The following PCTP variants were observed in gnomAD, a reference collection of about 807,000 sequenced individuals.
PCTP encodes START domain-containing protein 2.
In PCTP, 27 loss-of-function variants were observed where a neutral mutation model predicts 31.0. That is an observed-to-expected ratio of 0.87 (90% CI 0.64 to 1.20). PCTP has a LOEUF of 1.20. Ranked by LOEUF, PCTP falls within the 50% of genes most tolerant of loss-of-function variation. The pLI is 0.00. For missense variants in PCTP, 287 were observed against 268.2 expected (o/e 1.07, Z -0.49); for synonymous variants, 108 against 101.2 (o/e 1.07, Z -0.40).
At chr17:55,842,511 T>G (rs1231700418) in intron 5 of PCTP, among the ~76,000 whole-genome samples, 1 of 152,020 alleles carries the variant, frequency 6.6e-6, no homozygotes, top group Non-Finnish European at 1.5e-5. Flanking sequence ...GAGCCAGGCT[T>G]TAGTTTAAAA....
chr17:55,822,650 C>A, intron 3 of PCTP: 1 of 444,730 alleles, frequency 2.2e-6, no homozygotes, highest in Non-Finnish European at 3.7e-6. Flanking sequence ...AGTAGAATTG[C>A]ATCCTTCCAT....
chr17:55,764,606 A>T (rs1910538075), intron 1 of PCTP, among the ~76,000 whole-genome samples: 2 of 152,092 alleles, frequency 1.3e-5, no homozygotes, highest in African/African-American at 4.8e-5. Context: ...TTTTACATTC[A>T]TTTTTTGCCA....
intron 3 of PCTP, among the ~76,000 whole-genome samples, chr17:55,816,756 G>A (rs1252280886): frequency 2.6e-5 from 4 of 152,176 alleles, no homozygotes; most frequent in African/African-American, 4.8e-5. Context: ...GGCACACCAC[G>A]GTGTGTGTTA....
intron 1 of PCTP, among the ~76,000 whole-genome samples, chr17:55,763,874 C>T (rs1447678743): frequency 1.3e-5 from 2 of 152,048 alleles, no homozygotes; most frequent in African/African-American, 2.4e-5. Flanking sequence ...GAATGTGGAC[C>T]AGGCTGTTCA....
In PCTP at chr17:55,806,575, C is replaced by T. The variant is rs79770030; in HGVS notation, c.318-16186C>T. Among the ~76,000 whole-genome samples, 650 of 152,166 alleles carry T rather than the reference C, an allele frequency of 4.3e-3. 5 individuals carry two copies. The highest frequency in any genetic ancestry group is 7.4e-3 in the Non-Finnish European group (506 of 67,966). The stretch of plus-strand genomic sequence containing the variant: ...CTGCCAGGTAGGAAACAACATCCTA[C>T]CCTAGGATGATGACCCTCCTTGATA... On this transcript the variant is annotated intron_variant, in intron 3 of 3. Coordinates refer to the PCTP transcript ENST00000572536.
At position 55,776,389 on chromosome 17, in the gene PCTP, A is replaced by G; in HGVS notation, c.*289A>G. On this transcript the variant is annotated 3_prime_UTR_variant, in exon 6 of 6. Transcript: ENST00000268896. ...CAGTTCAATATGGGGCAGACTAGGG[A>G]AACCTTTGCTTGCTTACTATTAGGA... 1 of 1,262,416 alleles carries G rather than the reference A, an allele frequency of 7.9e-7. No homozygotes were observed. The highest frequency in any genetic ancestry group is 9.9e-7 in the Non-Finnish European group (1 of 1,006,362). 78.2% of individuals were successfully genotyped at this position (1,262,416 alleles called of 1,614,324 possible).
intron 3 of PCTP, among the ~76,000 whole-genome samples, chr17:55,820,646 C>T (rs531376978): frequency 6.6e-6 from 1 of 152,236 alleles, no homozygotes; most frequent in African/African-American, 2.4e-5. Context: ...CAGGCTACAG[C>T]AGGGCTTGTA....
downstream of PCTP, among the ~76,000 whole-genome samples, chr17:55,825,503 G>A (rs767389033): frequency 2.0e-5 from 3 of 152,198 alleles, no homozygotes; most frequent in East Asian, 5.8e-4. Flanking sequence ...CATAGGCATC[G>A]CCTTAGGGCC....
At chr17:55,841,991 A>G (rs1905997796) in intron 5 of PCTP, among the ~76,000 whole-genome samples, 1 of 152,168 alleles carries the variant, frequency 6.6e-6, no homozygotes, top group South Asian at 2.1e-4. Flanking sequence ...TATATAGAAA[A>G]AATATATAAG....
chr17:55,833,774 T>G (rs1469395790), intron 5 of PCTP, among the ~76,000 whole-genome samples: 1 of 152,222 alleles, frequency 6.6e-6, no homozygotes, highest in African/African-American at 2.4e-5. Flanking sequence ...AATTGGAATA[T>G]TCTCATCCCC....
intron 1 of PCTP, among the ~76,000 whole-genome samples, chr17:55,757,642 A>C (rs1910114438): frequency 6.6e-6 from 1 of 151,966 alleles, no homozygotes; most frequent in African/African-American, 2.4e-5. Flanking sequence ...ATGTTCATGT[A>C]TGTATGTGTA....
chr17:55,805,886 A>ATGTGTGTG lies in PCTP; in HGVS notation c.318-16851_318-16844dup, dbSNP rs58345619. Among the ~76,000 whole-genome samples, 476 of 142,846 alleles carry ATGTGTGTG rather than the reference A, an allele frequency of 3.3e-3. 2 individuals are homozygous for ATGTGTGTG. Among genetic ancestry groups the ATGTGTGTG allele is most frequent in the African/African-American group, 8.2e-3 (322 of 39,288 alleles). 93.7% of individuals were successfully genotyped at this position (142,846 alleles called of 152,430 possible). On this transcript the variant is annotated intron_variant, in intron 3 of 3. Transcript: ENST00000572536. ...TTATGGTCTCTCTCTCTCAATCTGT[A>ATGTGTGTG]TGTGTGTGTGTGTGTGTGTGTGTGT... is the stretch of plus-strand genomic sequence containing the variant.
chr17:55,767,430 A>G lies in PCTP; in HGVS notation c.237A>G (p.Lys79=). The G allele has an allele frequency of 6.2e-7, 1 of 1,609,318 alleles. No individual in the cohort carries two copies. Among genetic ancestry groups the G allele is most frequent in the Non-Finnish European group, 8.5e-7 (1 of 1,176,004 alleles). Residue 79 remains lysine (K), a synonymous_variant, in exon 2 of 6, where the codon AAA becomes AAG. Transcript: ENST00000268896. ...ADIYMDSDYR[K]QWDQYVKELY... Reference sequence around the variant, plus strand: ...TCTATATGGACTCAGATTACAGAAAACAATGGGACCAGTATGTTAAAGGTG... The same window carrying G: ...TCTATATGGACTCAGATTACAGAAAGCAATGGGACCAGTATGTTAAAGGTG...
intron 5 of PCTP, among the ~76,000 whole-genome samples, chr17:55,838,778 TAAAG>T (rs144983198): frequency 0.017 from 2,553 of 152,284 alleles, 73 homozygotes; most frequent in African/African-American, 0.059. Context: ...ATTTTAAAGA[TAAAG>T]AAAACTGGAG....
Position 55,754,515 on chromosome 17 carries a change from C to T in PCTP, c.141+3271C>T, listed in dbSNP as rs556981218. Among the ~76,000 whole-genome samples the T allele has an allele frequency of 5.7e-4, 87 of 152,318 alleles. 1 individual carries two copies. The highest frequency in any genetic ancestry group is 1.2e-3 in the Non-Finnish European group (79 of 68,024). ...TTCAGCTATCCAGAAACTCTCTGAA[C>T]CCCCTCCTCTTGGGTCCTTTATGGA... On this transcript the variant is annotated intron_variant, in intron 1 of 5. Coordinates refer to ENST00000268896, the MANE Select transcript of PCTP (RefSeq NM_021213.4).
intron 3 of PCTP, among the ~76,000 whole-genome samples, chr17:55,813,264 T>C (rs1363848809): frequency 2.0e-5 from 3 of 152,102 alleles, no homozygotes; most frequent in Non-Finnish European, 4.4e-5. Context: ...TTAAAAGAAG[T>C]ACGTTATTTA....
chr17:55,784,098 G>T (rs1403165180), intron 2 of PCTP, among the ~76,000 whole-genome samples: 1 of 152,186 alleles, frequency 6.6e-6, no homozygotes, highest in Non-Finnish European at 1.5e-5. Flanking sequence ...GGGGAGGGCT[G>T]GCGGGCCACT....
chr17:55,777,183 G>A lies in PCTP; in HGVS notation c.*1083G>A. On this transcript the variant is annotated 3_prime_UTR_variant, in exon 6 of 6. Transcript: ENST00000268896. ...TAGGGTAAGGTATTTCTATGTCAAA[G>A]GCACAGCCTTGATGATCTCAGGGAA... is the stretch of plus-strand genomic sequence containing the variant. 1 of 985,418 alleles carries A rather than the reference G, an allele frequency of 1.0e-6. No homozygotes were observed. Among genetic ancestry groups the A allele is most frequent in the Non-Finnish European group, 1.2e-6 (1 of 829,626 alleles). The allele number at this position is 985,418 out of a possible 1,614,324, so 61.0% of individuals were successfully genotyped here.
chr17:55,763,098 C>G (rs560497694), intron 1 of PCTP, among the ~76,000 whole-genome samples: 4 of 152,178 alleles, frequency 2.6e-5, no homozygotes, highest in African/African-American at 9.7e-5. Flanking sequence ...CCAAGAATCT[C>G]TTGAGTAAGC....
Sources: allele counts gnomAD v4.1 joint callset (sites outside exome capture counted in the v4.1 genomes callset), GRCh38; gene constraint gnomAD v4.1.1; transcripts MANE v1.5; gene names NCBI Gene and HGNC (gene_info 2026-07-23, HGNC 2026-07-21).